Variants in PACRGL observed in about 807,000 individuals in gnomAD.
The protein encoded by PACRGL is parkin coregulated like, also known as PACRG-like protein.
PACRGL carries 38 observed loss-of-function variants against 34.5 expected under a neutral mutation model. The observed-to-expected ratio is 1.10, with a 90% CI of 0.85 to 1.44. The LOEUF (loss-of-function observed/expected upper bound fraction) is 1.44. Ranked by LOEUF, PACRGL falls within the 40% of genes most tolerant of loss-of-function variation. PACRGL has a pLI of 0.00. For missense variants in PACRGL, 305 were observed against 281.4 expected, an observed-to-expected ratio of 1.08 and a Z score of -0.60; for synonymous variants, 128 against 100.1, an observed-to-expected ratio of 1.28 and a Z score of -1.66.
chr4:20,727,366 T>C lies in PACRGL; in HGVS notation c.*25T>C. 1 of 1,577,230 alleles carries C rather than the reference T, an allele frequency of 6.3e-7. No homozygotes were observed. Among genetic ancestry groups the C allele is most frequent in the Non-Finnish European group, 8.7e-7 (1 of 1,146,882 alleles). On this transcript the variant is annotated 3_prime_UTR_variant, in exon 9 of 9. Transcript: ENST00000503585. ...AAGAAGGGAGCCAACAAAAATTGTTTTTTCTACCTGTTGACGTGTCAAGCA... is the reference window on the plus strand; with the variant it reads ...AAGAAGGGAGCCAACAAAAATTGTTCTTTCTACCTGTTGACGTGTCAAGCA...
intron 8 of PACRGL, among the ~76,000 whole-genome samples, chr4:20,725,298 C>T (rs1246598556): frequency 2.0e-5 from 3 of 152,030 alleles, no homozygotes; most frequent in Non-Finnish European, 2.9e-5. Context: ...CTGACTCAGA[C>T]GTCCAGATGA....
chr4:20,760,354 G>A, the PACRGL span, among the ~76,000 whole-genome samples: 1 of 152,124 alleles, frequency 6.6e-6, no homozygotes, highest in East Asian at 1.9e-4. Context: ...ATTTGATACT[G>A]TTTCCAGCAT....
At chr4:20,737,843 AC>A (rs1308425954) in intron 8 of PACRGL, among the ~76,000 whole-genome samples, 3 of 152,236 alleles carry the variant, frequency 2.0e-5, no homozygotes, top group Non-Finnish European at 4.4e-5. Flanking sequence ...ATCTTGCACA[AC>A]CAGCAGGCTG....
At chr4:20,749,211 AAG>A (rs1268129520) in intron 8 of PACRGL, among the ~76,000 whole-genome samples, 1 of 150,814 alleles carries the variant, frequency 6.6e-6, no homozygotes, top group Non-Finnish European at 1.5e-5. Flanking sequence ...GTAATTTAAA[AAG>A]AGATTTCCTC....
chr4:20,762,434 T>A, the PACRGL span, among the ~76,000 whole-genome samples: 1 of 152,218 alleles, frequency 6.6e-6, no homozygotes, highest in Admixed American at 6.6e-5. Context: ...AATGATGATC[T>A]TTTATTTATT....
chr4:20,713,058 T>C, intron 6 of PACRGL, 136 bp downstream of exon 6: 1 of 968,604 alleles, frequency 1.0e-6, no homozygotes, highest in South Asian at 2.6e-5. Context: ...TTCTGACACA[T>C]TTACAGAATT....
At chr4:20,707,768 A>T (rs1244081858) in intron 3 of PACRGL, 35 bp from the exon 4 acceptor site, 2 of 1,571,182 alleles carry the variant, frequency 1.3e-6, no homozygotes, top group Non-Finnish European at 8.8e-7. Context: ...CCTCAGAAGT[A>T]TAGGTGATAG....
chr4:20,733,717 CAAG>C (rs1451131935), downstream of PACRGL, among the ~76,000 whole-genome samples: 2 of 152,232 alleles, frequency 1.3e-5, no homozygotes, highest in African/African-American at 4.8e-5. Context: ...TAAAAATATA[CAAG>C]AAGCACTATT....
intron 7 of PACRGL, among the ~76,000 whole-genome samples, 173 bp from the exon 8 acceptor site, chr4:20,724,635 T>C (rs944497423): frequency 6.6e-6 from 1 of 152,176 alleles, no homozygotes; most frequent in Admixed American, 6.5e-5. Flanking sequence ...GTAAATTCAT[T>C]GTTTTTTAAA....
At chr4:20,709,840 T>C (rs766762020) in intron 5 of PACRGL, 67 bp downstream of exon 5, 28 of 1,323,102 alleles carry the variant, frequency 2.1e-5, no homozygotes, top group Non-Finnish European at 2.7e-5. Flanking sequence ...AATGCTACTT[T>C]GTAGCTTGTC....
In PACRGL at chr4:20,728,229, T is replaced by A. The variant is rs1439200543; in HGVS notation, c.*888T>A. On this transcript the variant is annotated 3_prime_UTR_variant, in exon 9 of 9. Coordinates refer to ENST00000503585, the MANE Select transcript of PACRGL (RefSeq NM_001258345.3). ...AAGTATGTTGTTTATTACAACTCAT[T>A]ACAACTACCTAAATTTTAGGTGTTA... 6.6e-6 allele frequency: 1 copy of A among 152,028 alleles called. No individual in the cohort carries two copies. 9.4% of individuals were successfully genotyped at this position (152,028 alleles called of 1,614,324 possible).
At chr4:20,715,851 C>G (rs562841479) in intron 7 of PACRGL, among the ~76,000 whole-genome samples, 4 of 151,712 alleles carry the variant, frequency 2.6e-5, no homozygotes, top group Non-Finnish European at 5.9e-5. Flanking sequence ...GGTAACAGAG[C>G]GAGTCTGCAC....
chr4:20,757,277 A>C (rs1163886567), downstream of PACRGL, among the ~76,000 whole-genome samples: 1 of 152,072 alleles, frequency 6.6e-6, no homozygotes, highest in Admixed American at 6.6e-5. Context: ...GCATATACTT[A>C]TTTAAAGACC....
At chr4:20,754,387 CATA>C (rs1209109832), downstream of PACRGL, among the ~76,000 whole-genome samples, 5 of 152,192 alleles carry the variant, frequency 3.3e-5, no homozygotes, top group South Asian at 1.0e-3. Flanking sequence ...TGTTACTGTT[CATA>C]ATGAGAAAAA....
At chr4:20,763,469 G>A in the PACRGL span, among the ~76,000 whole-genome samples, 2 of 152,152 alleles carry the variant, frequency 1.3e-5, no homozygotes, top group Admixed American at 6.6e-5. Context: ...AAAGAACGCT[G>A]AAAAGAGTAC....
intron 7 of PACRGL, among the ~76,000 whole-genome samples, chr4:20,720,430 G>A (rs1009226113): frequency 6.6e-6 from 1 of 152,146 alleles, no homozygotes; most frequent in Non-Finnish European, 1.5e-5. Context: ...AGCCTCGATG[G>A]TCTTTACAAT....
At chr4:20,718,991 A>G (rs902805027) in intron 7 of PACRGL, 5 of 152,078 alleles carry the variant, frequency 3.3e-5, no homozygotes, top group Admixed American at 2.0e-4. Context: ...GCTATTAACT[A>G]TTGCCTCAAT....
chr4:20,745,250 T>C (rs1241202644), intron 8 of PACRGL, among the ~76,000 whole-genome samples: 3 of 152,188 alleles, frequency 2.0e-5, no homozygotes, highest in Admixed American at 6.6e-5. Flanking sequence ...TTTTCTAGTA[T>C]TTGTGAACAA....
chr4:20,759,105 T>C, the PACRGL span, among the ~76,000 whole-genome samples: 1 of 152,224 alleles, frequency 6.6e-6, no homozygotes, highest in Non-Finnish European at 1.5e-5. Context: ...TCTTTGCATA[T>C]TGAGTATCAA....
Sources: gnomAD v4.1 joint callset for allele counts (sites outside exome capture counted in the v4.1 genomes callset) on GRCh38, gnomAD v4.1.1 for gene constraint, MANE v1.5 for transcripts, NCBI Gene and HGNC (gene_info 2026-07-23, HGNC 2026-07-21) for gene names.